The following ATRNL1 variants were observed in gnomAD, a reference collection of about 807,000 sequenced individuals.
The protein encoded by ATRNL1 is attractin-like protein 1.
In ATRNL1, 95 loss-of-function variants were observed where a neutral mutation model predicts 182.7. The observed-to-expected ratio is 0.52, with a 90% confidence interval of 0.44 to 0.62. The LOEUF (loss-of-function observed/expected upper bound fraction) is 0.62. ATRNL1 is among the 20% of genes least tolerant of loss of function. ATRNL1 has a pLI of 0.00. For synonymous variants in ATRNL1, 576 were observed against 568.3 expected, an observed-to-expected ratio of 1.01 and a Z score of -0.19; for missense variants, 1,471 against 1,679.5, an observed-to-expected ratio of 0.88 and a Z score of 2.17.
At chr10:115,786,544 G>A (rs531588121) in intron 27 of ATRNL1, among the ~76,000 whole-genome samples, 291 of 152,134 alleles carry the variant, frequency 1.9e-3, no homozygotes, top group African/African-American at 6.6e-3. Flanking sequence ...CTTCTTATGT[G>A]TCTTCATATG....
chr10:115,608,249 GAT>G (rs1856972695), intron 26 of ATRNL1, among the ~76,000 whole-genome samples: 1 of 151,978 alleles, frequency 6.6e-6, no homozygotes, highest in Non-Finnish European at 1.5e-5. Context: ...CTAGCAATGT[GAT>G]ATAAATCAGT....
At chr10:115,223,913 G>GTATATATATATATA (rs782380839) in intron 9 of ATRNL1, among the ~76,000 whole-genome samples, 12 of 55,936 alleles carry the variant, frequency 2.1e-4, no homozygotes, top group African/African-American at 1.0e-3. Flanking sequence ...GTGTGTGTGT[G>GTATATATATATATA]TATATATATA....
chr10:115,897,070 T>C (rs1952226087), intron 28 of ATRNL1, among the ~76,000 whole-genome samples: 1 of 152,108 alleles, frequency 6.6e-6, no homozygotes, highest in Non-Finnish European at 1.5e-5. Flanking sequence ...GATTAACTAA[T>C]TTTCTTAATG....
chr10:115,933,028 T>G (rs1953450315), intron 28 of ATRNL1, among the ~76,000 whole-genome samples: 1 of 131,964 alleles, frequency 7.6e-6, no homozygotes, highest in Admixed American at 7.2e-5. Context: ...GCTCTAACTT[T>G]GCTCAGATCC....
intron 15 of ATRNL1, among the ~76,000 whole-genome samples, chr10:115,288,302 T>C (rs1225129417): frequency 1.3e-5 from 2 of 152,176 alleles, no homozygotes; most frequent in Non-Finnish European, 2.9e-5. Flanking sequence ...GAGGAACTTC[T>C]ATATTGTTCT....
At chr10:115,877,370 T>C (rs1555107502) in intron 28 of ATRNL1, among the ~76,000 whole-genome samples, 1 of 152,244 alleles carries the variant, frequency 6.6e-6, no homozygotes, top group Non-Finnish European at 1.5e-5. Flanking sequence ...GGCCCCAGGA[T>C]ACTGTTCTGC....
chr10:115,907,314 A>G (rs1237877477), intron 28 of ATRNL1, among the ~76,000 whole-genome samples: 2 of 152,224 alleles, frequency 1.3e-5, no homozygotes, highest in Admixed American at 6.5e-5. Flanking sequence ...TACAGTTTCT[A>G]TGGTAACCTT....
chr10:115,354,144 T>C (rs1013224635), intron 19 of ATRNL1, among the ~76,000 whole-genome samples: 3 of 152,174 alleles, frequency 2.0e-5, no homozygotes, highest in African/African-American at 7.2e-5. Flanking sequence ...TAATTTTTTT[T>C]TAGCTCATCC....
intron 27 of ATRNL1, among the ~76,000 whole-genome samples, chr10:115,798,163 C>T (rs1949703150): frequency 6.6e-6 from 1 of 152,110 alleles, no homozygotes; most frequent in African/African-American, 2.4e-5. Flanking sequence ...GTGATCCGCC[C>T]ACCTCGGCCT....
At chr10:115,484,521 T>G (rs1565091954) in intron 24 of ATRNL1, among the ~76,000 whole-genome samples, 1 of 151,732 alleles carries the variant, frequency 6.6e-6, no homozygotes, top group Non-Finnish European at 1.5e-5. Context: ...TAGGACTGTG[T>G]GTATTTAAAT....
chr10:115,923,241 T>C (rs1033420679), intron 28 of ATRNL1, among the ~76,000 whole-genome samples: 1 of 152,154 alleles, frequency 6.6e-6, no homozygotes, highest in African/African-American at 2.4e-5. Context: ...ACAAAACATG[T>C]ATGTATATAT....
intron 26 of ATRNL1, among the ~76,000 whole-genome samples, chr10:115,595,248 C>A (rs947796531): frequency 6.6e-6 from 1 of 152,028 alleles, no homozygotes; most frequent in African/African-American, 2.4e-5. Flanking sequence ...ATTCTTCCTT[C>A]CTTCCCTTTT....
At chr10:115,800,523 T>C (rs1384695843) in intron 27 of ATRNL1, among the ~76,000 whole-genome samples, 2 of 152,278 alleles carry the variant, frequency 1.3e-5, no homozygotes, top group South Asian at 4.1e-4. Context: ...CCCAGAGGTC[T>C]GATTCCCCCG....
chr10:115,338,520 G>C (rs1855598389), intron 19 of ATRNL1, among the ~76,000 whole-genome samples: 1 of 152,112 alleles, frequency 6.6e-6, no homozygotes, highest in Admixed American at 6.5e-5. Flanking sequence ...TCATTTGTAT[G>C]TCTTCTTTTG....
chr10:115,244,174 GA>G (rs1184269200), intron 10 of ATRNL1, among the ~76,000 whole-genome samples: 2 of 152,092 alleles, frequency 1.3e-5, no homozygotes, highest in African/African-American at 4.8e-5. Context: ...TGCATTTATG[GA>G]AGGCACTTAA....
At chr10:115,772,232 A>G (rs1474816305) in intron 27 of ATRNL1, among the ~76,000 whole-genome samples, 1 of 152,260 alleles carries the variant, frequency 6.6e-6, no homozygotes, top group Non-Finnish European at 1.5e-5. Flanking sequence ...ATTGATTACA[A>G]TATTCACAAT....
intron 5 of ATRNL1, among the ~76,000 whole-genome samples, chr10:115,130,781 T>C (rs113391829): frequency 0.01 from 1,552 of 152,218 alleles, 12 homozygotes; most frequent in South Asian, 0.026. Context: ...TGTATCCATA[T>C]TATATTTGAT....
intron 21 of ATRNL1, among the ~76,000 whole-genome samples, chr10:115,439,600 A>T (rs930049138): frequency 6.6e-6 from 1 of 151,944 alleles, no homozygotes; most frequent in East Asian, 1.9e-4. Flanking sequence ...AGATGTCTAC[A>T]TCCTCCCCAG....
intron 5 of ATRNL1, among the ~76,000 whole-genome samples, chr10:115,146,174 A>C (rs1345270012): frequency 6.6e-6 from 1 of 152,146 alleles, no homozygotes; most frequent in Non-Finnish European, 1.5e-5. Flanking sequence ...AAAGAAAATA[A>C]ATATAGTTGG....
Sources: allele counts gnomAD v4.1 joint callset (sites outside exome capture counted in the v4.1 genomes callset), GRCh38; gene constraint gnomAD v4.1.1; transcripts MANE v1.5; gene names NCBI Gene and HGNC (gene_info 2026-07-23, HGNC 2026-07-21).